PSD3: variants seen among roughly 807,000 people sequenced by gnomAD.
The protein encoded by PSD3 is PH and SEC7 domain-containing protein 3.
PSD3 carries 49 observed loss-of-function variants against 105.5 expected under a neutral mutation model. That is an observed-to-expected ratio of 0.46 (90% CI 0.37 to 0.59). PSD3 has a LOEUF of 0.59. Ranked by LOEUF, PSD3 falls within the 20% of genes least tolerant of loss-of-function variation. PSD3 has a pLI of 0.00. For synonymous variants in PSD3, 557 were observed against 457.8 expected (o/e 1.22, Z -2.77); for missense variants, 1,561 against 1,263.8 (o/e 1.24, Z -3.57).
At chr8:18,602,741 A>G (rs190567959) in intron 11 of PSD3, among the ~76,000 whole-genome samples, 2 of 152,172 alleles carry the variant, frequency 1.3e-5, no homozygotes, top group Admixed American at 1.3e-4. Flanking sequence ...GTGGGCTGGG[A>G]AGGCTCTCTA....
intron 8 of PSD3, among the ~76,000 whole-genome samples, chr8:18,782,589 G>A (rs987485086): frequency 5.9e-5 from 9 of 152,184 alleles, no homozygotes; most frequent in African/African-American, 1.9e-4. Context: ...GCAGGATCTC[G>A]GTCAACACAC....
At chr8:19,013,925 A>C (rs1352070973), upstream of PSD3, 2 of 101,164 alleles carry the variant, frequency 2.0e-5, no homozygotes, top group Non-Finnish European at 2.1e-5. Flanking sequence ...TCTCCAGGGC[A>C]GGGGCGGGGC....
intron 4 of PSD3, among the ~76,000 whole-genome samples, chr8:18,828,045 A>ATGTATATATATATATATAATATATATATG (rs1813353208): frequency 7.9e-6 from 1 of 126,220 alleles, no homozygotes; most frequent in Admixed American, 8.8e-5. Flanking sequence ...TAATATATAT[A>ATGTATATATATATATATAATATATATATG]TGTATATATA....
At chr8:18,818,089 G>T (rs1812370376) in intron 4 of PSD3, among the ~76,000 whole-genome samples, 1 of 152,058 alleles carries the variant, frequency 6.6e-6, no homozygotes, top group South Asian at 2.1e-4. Flanking sequence ...TAGCAGCTGG[G>T]ACTACAGGCA....
rs1033243261 is a variant in PSD3, at chr8:18,535,876, C to G, written c.3011G>C (p.Gly1004Ala). Residue 1004 changes from glycine to alanine, a missense_variant, in exon 16 of 16, where the codon GGA becomes GCA. By Grantham distance (60) the Gly-to-Ala change is moderately conservative. Coordinates refer to ENST00000327040, the MANE Select transcript of PSD3 (RefSeq NM_015310.4). ...LLSNDESEAA[G>A]LKKSHSSPSL... The stretch of plus-strand genomic sequence containing the variant: ...AGGACTCGAGTGCGACTTCTTCAGT[C>G]CTGCAGCCTCGCTTTCATCGTTACT... The G allele has an allele frequency of 1.2e-6, 2 of 1,614,176 alleles. No homozygotes were observed.
chr8:18,688,242 G>T (rs1481514260), intron 9 of PSD3, among the ~76,000 whole-genome samples: 1 of 147,818 alleles, frequency 6.8e-6, no homozygotes, highest in East Asian at 2.0e-4. Flanking sequence ...CACCTGGCAC[G>T]ATCACGTCAG....
At chr8:18,623,466 A>G (rs995316757) in intron 11 of PSD3, among the ~76,000 whole-genome samples, 15 of 149,420 alleles carry the variant, frequency 1.0e-4, no homozygotes, top group African/African-American at 1.5e-4. Flanking sequence ...AAAAAAAAAA[A>G]AAAAGAAAAA....
At chr8:18,793,535 C>T (rs1192695181) in intron 8 of PSD3, among the ~76,000 whole-genome samples, 1 of 151,866 alleles carries the variant, frequency 6.6e-6, no homozygotes. Context: ...GGAAAAAAAG[C>T]CAGGTAAGAC....
At chr8:18,621,062 A>AT (rs1441157307) in intron 11 of PSD3, among the ~76,000 whole-genome samples, 2 of 152,154 alleles carry the variant, frequency 1.3e-5, no homozygotes, top group Non-Finnish European at 2.9e-5. Flanking sequence ...CTGAACACAG[A>AT]TTTTTTGGTG....
intron 14 of PSD3, 110 bp from the exon 15 acceptor site, chr8:18,556,462 C>T: frequency 9.0e-7 from 1 of 1,111,062 alleles, no homozygotes. Flanking sequence ...TTCACTAAAA[C>T]AGCCCAATGT....
At chr8:19,081,776 C>T (rs1200031632) in intron 1 of PSD3, among the ~76,000 whole-genome samples, 7 of 152,232 alleles carry the variant, frequency 4.6e-5, no homozygotes, top group Admixed American at 4.6e-4. Flanking sequence ...TAAATTCAGC[C>T]ATTTTGAATC....
At chr8:18,702,492 T>C (rs1801641548) in intron 9 of PSD3, among the ~76,000 whole-genome samples, 2 of 152,258 alleles carry the variant, frequency 1.3e-5, no homozygotes, top group Non-Finnish European at 1.5e-5. Flanking sequence ...TTGACACATA[T>C]ACACAACAAT....
intron 4 of PSD3, among the ~76,000 whole-genome samples, chr8:18,836,302 C>G (rs1015727489): frequency 6.6e-6 from 1 of 152,160 alleles, no homozygotes; most frequent in African/African-American, 2.4e-5. Flanking sequence ...CTACAGTTAT[C>G]TCAAATATCA....
intron 1 of PSD3, among the ~76,000 whole-genome samples, chr8:19,039,124 C>A (rs559420893): frequency 6.6e-6 from 1 of 152,124 alleles, no homozygotes; most frequent in Non-Finnish European, 1.5e-5. Flanking sequence ...TTTTCCTCGA[C>A]GGACCTTTTT....
intron 9 of PSD3, among the ~76,000 whole-genome samples, chr8:18,743,848 G>A (rs1392602417): frequency 6.6e-6 from 1 of 151,628 alleles, no homozygotes; most frequent in Non-Finnish European, 1.5e-5. Flanking sequence ...ACTTTGAGGG[G>A]GGAGGTTAAG....
chr8:18,605,054 C>T (rs189351110), intron 11 of PSD3, among the ~76,000 whole-genome samples: 7 of 152,354 alleles, frequency 4.6e-5, no homozygotes, highest in Admixed American at 1.3e-4. Context: ...AGCCCTCACA[C>T]AGAGTTCCAA....
At chr8:18,895,691 C>T (rs1819101619) in intron 2 of PSD3, among the ~76,000 whole-genome samples, 1 of 152,152 alleles carries the variant, frequency 6.6e-6, no homozygotes, top group South Asian at 2.1e-4. Flanking sequence ...ATAGTAACTG[C>T]ACATATTTAT....
intron 15 of PSD3, among the ~76,000 whole-genome samples, chr8:18,553,649 G>T (rs1800905008): frequency 6.6e-6 from 1 of 152,146 alleles, no homozygotes; most frequent in South Asian, 2.1e-4. Flanking sequence ...AAGCACTCAC[G>T]AGAGAAAAAT....
chr8:18,819,830 G>C (rs1319062995), intron 4 of PSD3, among the ~76,000 whole-genome samples: 1 of 152,122 alleles, frequency 6.6e-6, no homozygotes, highest in African/African-American at 2.4e-5. Context: ...GCCAGCCTCG[G>C]CCTCCCAAAG....
Sources: gnomAD v4.1 joint callset for allele counts (sites outside exome capture counted in the v4.1 genomes callset) on GRCh38, gnomAD v4.1.1 for gene constraint, MANE v1.5 for transcripts, NCBI Gene and HGNC (gene_info 2026-07-23, HGNC 2026-07-21) for gene names.